The following DLGAP1 variants were observed in gnomAD, a reference collection of about 807,000 sequenced individuals.
DLGAP1 encodes disks large-associated protein 1.
In DLGAP1, 11 loss-of-function variants were observed where a neutral mutation model predicts 90.8. The observed-to-expected ratio is 0.12, with a 90% confidence interval of 0.08 to 0.20. DLGAP1 has a LOEUF of 0.20. DLGAP1 is among the 10% of genes least tolerant of loss of function. The pLI, the probability that DLGAP1 is intolerant of heterozygous loss-of-function variation, is 1.00. For missense variants in DLGAP1, 1,050 were observed against 1,333.8 expected, an observed-to-expected ratio of 0.79 and a Z score of 3.31; for synonymous variants, 558 against 540.7, an observed-to-expected ratio of 1.03 and a Z score of -0.44.
intron 10 of DLGAP1, among the ~76,000 whole-genome samples, chr18:3,531,002 G>A (rs1347878167): frequency 6.6e-6 from 1 of 152,076 alleles, no homozygotes; most frequent in Admixed American, 6.6e-5. Flanking sequence ...TCCCCAGTCT[G>A]ATGACAACTG....
chr18:4,331,524 T>C (rs2080951965), intron 1 of DLGAP1, among the ~76,000 whole-genome samples: 1 of 151,780 alleles, frequency 6.6e-6, no homozygotes, highest in Non-Finnish European at 1.5e-5. Flanking sequence ...CTTCATGCCA[T>C]TTCTTGTACC....
intron 5 of DLGAP1, among the ~76,000 whole-genome samples, chr18:3,752,501 C>T (rs1208524040): frequency 6.8e-6 from 1 of 147,876 alleles, no homozygotes; most frequent in Non-Finnish European, 1.5e-5. Context: ...TTTCTTTCCT[C>T]CCTCCCTCTC....
chr18:3,510,213 A>C (rs2050463242), intron 10 of DLGAP1, among the ~76,000 whole-genome samples: 1 of 152,264 alleles, frequency 6.6e-6, no homozygotes, highest in Non-Finnish European at 1.5e-5. Context: ...CTGCCTGGAC[A>C]AGTCACTATC....
rs1352907759 is a variant in DLGAP1 at position 4,099,250 on chromosome 18, G to A, written c.-159+51930C>T. 2.7e-4 allele frequency among the ~76,000 whole-genome samples: 38 copies of A among 143,376 alleles called. 2 individuals are homozygous for A. Among genetic ancestry groups the A allele is most frequent in the Middle Eastern group, 3.5e-3 (1 of 288 alleles). 94.1% of individuals were successfully genotyped at this position (143,376 alleles called of 152,430 possible). ...AACTTGAAAATAGATCTGTCTGTCT[G>A]TCTGTCTGTCTGTCTGTCTGTCTAT... On this transcript the variant is annotated intron_variant, in intron 2 of 12. Coordinates refer to ENST00000315677, the MANE Select transcript of DLGAP1 (RefSeq NM_004746.4).
chr18:3,874,320 T>G, intron 4 of DLGAP1: 1 of 1,535,226 alleles, frequency 6.5e-7, no homozygotes, highest in African/African-American at 1.4e-5. Context: ...TCTCTCCACT[T>G]CTACCGCGGA....
intron 1 of DLGAP1, among the ~76,000 whole-genome samples, chr18:4,189,068 C>T (rs1016857635): frequency 9.2e-5 from 14 of 151,860 alleles, no homozygotes; most frequent in Admixed American, 2.0e-4. Context: ...CTGATTTGTA[C>T]GATAATGAAT....
At chr18:4,412,239 ATC>A (rs939644896) in intron 1 of DLGAP1, among the ~76,000 whole-genome samples, 41 of 152,164 alleles carry the variant, frequency 2.7e-4, no homozygotes, top group African/African-American at 9.4e-4. Flanking sequence ...GATTTGCAAT[ATC>A]TCAATGGATG....
At position 3,632,026 on chromosome 18, in the gene DLGAP1, C is replaced by T. The variant is rs762110098; in HGVS notation, c.1592-49778G>A. 7.2e-5 allele frequency among the ~76,000 whole-genome samples: 11 copies of T among 152,130 alleles called. No homozygotes were observed. In the East Asian group the frequency reaches 1.4e-3, roughly 19 times the overall value. ...CCTGGCTCAAGTGATCCTCCCACCT[C>T]GGCTTCCCCAAGAGATGGGGTTACA... On this transcript the variant is annotated intron_variant, in intron 7 of 12. Transcript: ENST00000315677.
intron 6 of DLGAP1, among the ~76,000 whole-genome samples, chr18:3,740,246 G>A (rs1203197675): frequency 6.6e-6 from 1 of 152,078 alleles, no homozygotes; most frequent in Admixed American, 6.5e-5. Flanking sequence ...ATAAATATGT[G>A]CTCCAAAAAG....
chr18:3,914,832 C>T (rs188131385), intron 3 of DLGAP1, among the ~76,000 whole-genome samples: 5 of 152,206 alleles, frequency 3.3e-5, no homozygotes, highest in African/African-American at 1.2e-4. Flanking sequence ...TCACAGCAAC[C>T]TCCACCTCCT....
At chr18:3,821,146 G>A (rs2148482694) in intron 4 of DLGAP1, among the ~76,000 whole-genome samples, 1 of 152,056 alleles carries the variant, frequency 6.6e-6, no homozygotes, top group South Asian at 2.1e-4. Flanking sequence ...AATGTAGCTG[G>A]TGTGGTGGTG....
In DLGAP1 at chr18:4,400,953, C is replaced by T. The variant is rs147919416; in HGVS notation, c.-267+54053G>A. On this transcript the variant is annotated intron_variant, in intron 1 of 12. Transcript: ENST00000315677. ...AAGTTTACTTTTTGTAAATACACTGCAGGTCCTTATTTTCACACTCAAACA... is the reference window on the plus strand; with the variant it reads ...AAGTTTACTTTTTGTAAATACACTGTAGGTCCTTATTTTCACACTCAAACA... Among the ~76,000 whole-genome samples the T allele has an allele frequency of 2.6e-5, 4 of 152,286 alleles. No homozygotes were observed. In the East Asian group the frequency reaches 7.7e-4, roughly 29 times the overall value.
chr18:3,758,141 C>T (rs9961135), intron 5 of DLGAP1, among the ~76,000 whole-genome samples: 3,520 of 150,832 alleles, frequency 0.023, 145 homozygotes, highest in African/African-American at 0.081. Context: ...GAGAGCAAGG[C>T]GAGGATAACT....
intron 7 of DLGAP1, among the ~76,000 whole-genome samples, chr18:3,682,855 CTTTCTTTT>C (rs2060568421): frequency 6.7e-6 from 1 of 149,448 alleles, no homozygotes; most frequent in Non-Finnish European, 1.5e-5. Context: ...TGTTTTCTTT[CTTTCTTTT>C]TTTTTTTTTT....
At chr18:3,683,696 T>C (rs1431633607) in intron 7 of DLGAP1, among the ~76,000 whole-genome samples, 1 of 151,706 alleles carries the variant, frequency 6.6e-6, no homozygotes, top group Non-Finnish European at 1.5e-5. Context: ...AAGCAAATAA[T>C]TAAAGAGTAT....
chr18:4,191,414 A>G (rs1386735838), intron 1 of DLGAP1, among the ~76,000 whole-genome samples: 1 of 152,206 alleles, frequency 6.6e-6, no homozygotes, highest in Non-Finnish European at 1.5e-5. Context: ...AGTCCTCTAT[A>G]GTACTTCCAT....
chr18:3,633,627 A>G (rs2058598038), intron 7 of DLGAP1, among the ~76,000 whole-genome samples: 1 of 152,226 alleles, frequency 6.6e-6, no homozygotes, highest in Non-Finnish European at 1.5e-5. Flanking sequence ...CCTGTTTTCT[A>G]AAATTTCACT....
In DLGAP1 at chr18:4,269,548, G is replaced by A. The variant is rs931361199; in HGVS notation, c.-266-118261C>T. Among the ~76,000 whole-genome samples, 7 of 151,588 alleles carry A rather than the reference G, an allele frequency of 4.6e-5. No homozygotes were observed. The South Asian group carries it at 1.0e-3, about 23-fold the overall frequency. ...TTTGTGTATTTTTAGTAGAGACGGG[G>A]TTTCACCGTGTTAGCCAGGATGGTC... On this transcript the variant is annotated intron_variant, in intron 1 of 12. Transcript: ENST00000315677.
At chr18:3,804,810 C>CA (rs1386511998) in intron 5 of DLGAP1, among the ~76,000 whole-genome samples, 4 of 152,320 alleles carry the variant, frequency 2.6e-5, no homozygotes, top group Non-Finnish European at 4.4e-5. Flanking sequence ...CCAAGTGCTT[C>CA]AAAAACATTC....
Sources: gnomAD v4.1 joint callset for allele counts (sites outside exome capture counted in the v4.1 genomes callset) on GRCh38, gnomAD v4.1.1 for gene constraint, MANE v1.5 for transcripts, NCBI Gene and HGNC (gene_info 2026-07-23, HGNC 2026-07-21) for gene names.